NPAS2: variants seen among roughly 807,000 people sequenced by gnomAD.
The protein encoded by NPAS2 is neuronal PAS domain protein 2.
In NPAS2, 23 loss-of-function variants were observed where a neutral mutation model predicts 107.5. That is an observed-to-expected ratio of 0.21 (90% CI 0.15 to 0.30). The LOEUF is 0.30. NPAS2 is among the 10% of genes least tolerant of loss of function. The probability of loss-of-function intolerance (pLI) is 1.00; values close to 1 mark genes in which losing one functional copy is unlikely to be tolerated. For synonymous variants in NPAS2, 403 were observed against 417.5 expected (o/e 0.97, Z 0.42); for missense variants, 756 against 1,043.3 (o/e 0.72, Z 3.79).
At chr2:100,880,973 C>G (rs1680293940) in intron 1 of NPAS2, among the ~76,000 whole-genome samples, 1 of 152,168 alleles carries the variant, frequency 6.6e-6, no homozygotes, top group African/African-American at 2.4e-5. Flanking sequence ...TGTAGAGTGC[C>G]TGTCGGGTGC....
chr2:100,931,497 T>C (rs1683956656), intron 3 of NPAS2, among the ~76,000 whole-genome samples: 1 of 148,068 alleles, frequency 6.8e-6, no homozygotes, highest in African/African-American at 2.5e-5. Context: ...TTTTTTTTTT[T>C]TTTTTTTGAC....
intron 7 of NPAS2, among the ~76,000 whole-genome samples, chr2:100,961,006 T>C (rs928922609): frequency 2.6e-5 from 4 of 152,160 alleles, no homozygotes; most frequent in Admixed American, 2.6e-4. Context: ...AGGGAAAATG[T>C]AGCAAGAATG....
rs757053262 is a variant in NPAS2 at position 100,988,080 on chromosome 2, T to C, written c.1631T>C (p.Met544Thr). 6.2e-7 allele frequency: 1 copy of C among 1,613,852 alleles called. No homozygotes were observed. The highest frequency in any genetic ancestry group is 8.5e-7 in the Non-Finnish European group (1 of 1,179,750). ...LCLVQDSNVQ[M>T]FLQQPAVSLS... ...CAGGCATTTCTATTCTGCTCCCAGA[T>C]GTTCCTGCAGCAGCCAGCTGTATCC... Residue 544 changes from methionine to threonine, a missense_variant and splice_region_variant, in exon 17 of 21, where the codon ATG (methionine) becomes ACG (threonine). Met to Thr is a moderately conservative substitution (Grantham distance 81). Around this residue, in one of 4 missense-constraint regions of NPAS2, gnomAD observed 496 missense variants for 594.4 expected, o/e 0.83. Transcript: ENST00000335681.
intron 1 of NPAS2, among the ~76,000 whole-genome samples, chr2:100,849,180 G>T (rs1001139988): frequency 6.6e-6 from 1 of 152,224 alleles, no homozygotes; most frequent in Non-Finnish European, 1.5e-5. Context: ...TCAGACCAGA[G>T]TAGTGCATCA....
intron 2 of NPAS2, among the ~76,000 whole-genome samples, chr2:100,908,437 G>A (rs1682309131): frequency 6.6e-6 from 1 of 152,112 alleles, no homozygotes; most frequent in Non-Finnish European, 1.5e-5. Flanking sequence ...GGATTGCACA[G>A]CCAGTTGGCA....
chr2:100,878,479 C>A, intron 1 of NPAS2: 1 of 985,388 alleles, frequency 1.0e-6, no homozygotes, highest in Non-Finnish European at 1.2e-6. Context: ...CCCTCTGTGA[C>A]ATTGAAGCAA....
At chr2:100,944,676 A>G (rs1286723892) in intron 5 of NPAS2, among the ~76,000 whole-genome samples, 3 of 152,196 alleles carry the variant, frequency 2.0e-5, no homozygotes, top group Non-Finnish European at 4.4e-5. Flanking sequence ...CATAATAGCA[A>G]TGTACTAGCA....
intron 1 of NPAS2, among the ~76,000 whole-genome samples, chr2:100,885,486 C>T (rs528809321): frequency 2.0e-5 from 3 of 152,012 alleles, no homozygotes; most frequent in East Asian, 3.9e-4. Flanking sequence ...AGTTTTGTTC[C>T]AAAGATCTGA....
chr2:100,977,931 T>A, intron 15 of NPAS2, 132 bp downstream of exon 15: 1 of 743,172 alleles, frequency 1.3e-6, no homozygotes. Context: ...AATGTGTGTG[T>A]GGCCTGTGTC....
Position 100,880,726 on chromosome 2 carries a change from C to T in NPAS2, c.-22-24007C>T, listed in dbSNP as rs184680526. On this transcript the variant is annotated intron_variant, in intron 1 of 20. Transcript: ENST00000335681. Reference sequence around the variant, plus strand: ...ATGCAGTGAACACCACTGAATTGTACATTTTTAAATGGTTAATTCTATGTT... The same window carrying T: ...ATGCAGTGAACACCACTGAATTGTATATTTTTAAATGGTTAATTCTATGTT... Among the ~76,000 whole-genome samples the T allele has an allele frequency of 9.8e-4, 149 of 152,254 alleles. 1 individual carries two copies. Among genetic ancestry groups the T allele is most frequent in the African/African-American group, 3.4e-3 (141 of 41,538 alleles).
intron 5 of NPAS2, among the ~76,000 whole-genome samples, chr2:100,941,155 A>G (rs759631192): frequency 2.6e-5 from 4 of 152,252 alleles, no homozygotes; most frequent in Admixed American, 2.0e-4. Flanking sequence ...CAGATGTAAC[A>G]GAAGCTCATG....
At chr2:100,924,229 G>T (rs1241775998) in intron 2 of NPAS2, among the ~76,000 whole-genome samples, 1 of 152,146 alleles carries the variant, frequency 6.6e-6, no homozygotes, top group Non-Finnish European at 1.5e-5. Context: ...AGTTATAGCT[G>T]ATAAGCTTAC....
Position 100,932,950 on chromosome 2 carries a change from C to A in NPAS2, c.222C>A (p.Asp74Glu). Residue 74 changes from aspartate to glutamate, a missense_variant, in exon 4 of 21, where the codon GAC (aspartate) becomes GAA (glutamate). Physicochemically the swap from Asp to Glu is conservative, Grantham distance 45. Coordinates refer to ENST00000335681, the MANE Select transcript of NPAS2 (RefSeq NM_002518.4). Reference protein sequence around the residue: ...AQTEICDIQQDWKPSFLSNEE... With the variant: ...AQTEICDIQQEWKPSFLSNEE... ...CGGAAATCTGTGACATTCAGCAAGACTGGAAGCCTTCATTCCTCAGTAATG... is the reference window on the plus strand; with the variant it reads ...CGGAAATCTGTGACATTCAGCAAGAATGGAAGCCTTCATTCCTCAGTAATG... 4.3e-6 allele frequency: 7 copies of A among 1,614,096 alleles called. No individual in the cohort carries two copies. Among genetic ancestry groups the A allele is most frequent in the Non-Finnish European group, 5.9e-6 (7 of 1,179,960 alleles).
chr2:100,988,189 G>A lies in NPAS2; in HGVS notation c.1740G>A (p.Gly580=), dbSNP rs1677885865. ...RSAAVTQPQL[G]AGPQLPGQIS... ...CTGCAGTGACTCAGCCCCAGCTCGG[G>A]GCGGGCCCCCAACTTCCAGGGCAGA... is the stretch of plus-strand genomic sequence containing the variant. Residue 580 remains glycine, a synonymous_variant, in exon 17 of 21, where the codon GGG becomes GGA. Coordinates refer to ENST00000335681, the MANE Select transcript of NPAS2 (RefSeq NM_002518.4). The A allele has an allele frequency of 6.2e-7, 1 of 1,614,182 alleles. No homozygotes were observed. The highest frequency in any genetic ancestry group is 8.5e-7 in the Non-Finnish European group (1 of 1,180,038).
Position 100,938,398 on chromosome 2 carries a change from G to A in NPAS2, c.363+556G>A, listed in dbSNP as rs76054370. ...GACCTTGGGGAGTGAGGAGTGTCTG[G>A]GTGGACCAGGAGAGGGTCGGCTTTG... On this transcript the variant is annotated intron_variant, in intron 5 of 20. Coordinates refer to ENST00000335681, the MANE Select transcript of NPAS2 (RefSeq NM_002518.4). Among the ~76,000 whole-genome samples the A allele has an allele frequency of 7.1e-4, 108 of 152,216 alleles. 2 individuals carry two copies. In the East Asian group the frequency reaches 0.02, roughly 28 times the overall value.
At chr2:100,980,191 A>G (rs1053715114) in intron 15 of NPAS2, among the ~76,000 whole-genome samples, 1 of 151,864 alleles carries the variant, frequency 6.6e-6, no homozygotes, top group Admixed American at 6.6e-5. Context: ...GGCAGCCACC[A>G]CCTCCTAACC....
At chr2:100,881,821 A>G (rs1269274711) in intron 1 of NPAS2, among the ~76,000 whole-genome samples, 2 of 152,146 alleles carry the variant, frequency 1.3e-5, no homozygotes, top group Non-Finnish European at 2.9e-5. Context: ...AGAGGGCTTC[A>G]CTCACTCCAC....
chr2:100,938,703 A>G (rs1010064820), intron 5 of NPAS2, among the ~76,000 whole-genome samples: 1 of 145,904 alleles, frequency 6.9e-6, no homozygotes, highest in Non-Finnish European at 1.5e-5. Context: ...AGGCTCCCTC[A>G]TGGGCATCTG....
intron 15 of NPAS2, 32 bp from the exon 16 acceptor site, chr2:100,982,199 A>G: frequency 6.2e-7 from 1 of 1,613,536 alleles, no homozygotes; most frequent in African/African-American, 1.3e-5. Context: ...TAACTCTTTC[A>G]TCTGATTATG....
Sources: gnomAD v4.1 joint callset for allele counts (sites outside exome capture counted in the v4.1 genomes callset) on GRCh38, gnomAD v4.1.1 for gene constraint, gnomAD v4.1.1 regional missense constraint, MANE v1.5 for transcripts, NCBI Gene and HGNC (gene_info 2026-07-23, HGNC 2026-07-21) for gene names.